The following RNF150 variants were observed in gnomAD, a reference collection of about 807,000 sequenced individuals.
RNF150 encodes the protein ring finger protein 150.
In RNF150, 24 loss-of-function variants were observed where a neutral mutation model predicts 39.3. The ratio of observed to expected loss-of-function variants is 0.61; its 90% confidence interval spans 0.44 to 0.86. The LOEUF is 0.86. RNF150 is among the 40% of genes least tolerant of loss of function. RNF150 has a pLI of 0.00. For synonymous variants in RNF150, 255 were observed against 227.3 expected (o/e 1.12, Z -1.10); for missense variants, 502 against 587.8 (o/e 0.85, Z 1.51).
intron 6 of RNF150, among the ~76,000 whole-genome samples, chr4:140,874,868 T>C (rs1400125714): frequency 2.6e-5 from 4 of 152,230 alleles, no homozygotes. Flanking sequence ...TCTCACTATG[T>C]TGACTGGGCT....
At chr4:140,896,717 C>A (rs1364152210) in intron 6 of RNF150, among the ~76,000 whole-genome samples, 3,498 of 57,730 alleles carry the variant, frequency 0.061, 198 homozygotes, top group African/African-American at 0.15. Context: ...AACAAACAAA[C>A]AAACAAAAAA....
chr4:141,170,074 C>G (rs147838869), intron 1 of RNF150, among the ~76,000 whole-genome samples: 2 of 151,984 alleles, frequency 1.3e-5, no homozygotes, highest in African/African-American at 4.8e-5. Flanking sequence ...GCTCACTGCT[C>G]GTATAATTAA....
intron 1 of RNF150, among the ~76,000 whole-genome samples, chr4:141,021,944 C>G (rs1033557875): frequency 4.6e-5 from 7 of 152,236 alleles, no homozygotes; most frequent in Non-Finnish European, 1.0e-4. Context: ...CTAATCCACA[C>G]AGCTTGCTTG....
chr4:140,887,562 T>C (rs965930972), intron 6 of RNF150, among the ~76,000 whole-genome samples: 2 of 152,196 alleles, frequency 1.3e-5, no homozygotes, highest in African/African-American at 2.4e-5. Context: ...TTGTTGGATG[T>C]AGGTCGACGC....
rs193151456 is a variant in RNF150, at chr4:140,862,976, C to T, written c.*5285G>A. 1 of 152,186 alleles carries T rather than the reference C, an allele frequency of 6.6e-6. No individual in the cohort carries two copies. Among genetic ancestry groups the T allele is most frequent in the Non-Finnish European group, 1.5e-5 (1 of 68,026 alleles). 9.4% of individuals were successfully genotyped at this position (152,186 alleles called of 1,614,324 possible). On this transcript the variant is annotated 3_prime_UTR_variant, in exon 7 of 7. Transcript: ENST00000515673. ...AACTGCCAACATCAAACGTATTCAT[C>T]CATGCAATGGCATGGATGAAGGACC... is the stretch of plus-strand genomic sequence containing the variant.
intron 1 of RNF150, among the ~76,000 whole-genome samples, chr4:141,189,896 G>C (rs1420925943): frequency 6.6e-6 from 1 of 152,208 alleles, no homozygotes; most frequent in Admixed American, 6.5e-5. Flanking sequence ...CCCCGTTTCA[G>C]GGGAGTGAAT....
chr4:141,135,569 T>C (rs1451430692), upstream of RNF150, among the ~76,000 whole-genome samples: 1 of 152,180 alleles, frequency 6.6e-6, no homozygotes, highest in Non-Finnish European at 1.5e-5. Context: ...CGTGCTAATG[T>C]TAATACAGAA....
At chr4:141,175,888 ATCTT>A (rs1273390537) in intron 1 of RNF150, among the ~76,000 whole-genome samples, 1 of 151,798 alleles carries the variant, frequency 6.6e-6, no homozygotes, top group Non-Finnish European at 1.5e-5. Flanking sequence ...TTGTAACTCT[ATCTT>A]TATTTTTTTT....
Position 140,969,756 on chromosome 4 carries a change from CTTTTTTT to C in RNF150, c.485-1890_485-1884del, listed in dbSNP as rs70946718. 8.7e-4 allele frequency among the ~76,000 whole-genome samples: 66 copies of C among 75,962 alleles called. 1 individual carries two copies. The highest frequency in any genetic ancestry group is 3.2e-3 in the African/African-American group (63 of 19,870). 49.8% of individuals were successfully genotyped at this position (75,962 alleles called of 152,430 possible). ...GATGTTCAGAAATGCACAAGTTTTA[CTTTTTTT>C]TTTTTTTTTTTTTTTTGAGACAGAG... On this transcript the variant is annotated intron_variant, in intron 1 of 6. Transcript: ENST00000515673.
chr4:140,910,874 G>A (rs184419706), intron 6 of RNF150, among the ~76,000 whole-genome samples: 25 of 152,264 alleles, frequency 1.6e-4, no homozygotes, highest in East Asian at 1.9e-4. Flanking sequence ...ACAGGGAAGC[G>A]GACATGGAGA....
chr4:141,119,211 A>G (rs908012528), intron 1 of RNF150, among the ~76,000 whole-genome samples: 1 of 152,200 alleles, frequency 6.6e-6, no homozygotes, highest in Non-Finnish European at 1.5e-5. Flanking sequence ...TCACAACCTG[A>G]CCTACTTTAC....
At chr4:140,933,452 T>C (rs1286694816) in intron 4 of RNF150, among the ~76,000 whole-genome samples, 1 of 152,196 alleles carries the variant, frequency 6.6e-6, no homozygotes, top group Non-Finnish European at 1.5e-5. Flanking sequence ...ACTGCAGCAT[T>C]CTGGATTTTG....
chr4:140,956,532 C>T (rs1428221528), intron 2 of RNF150, among the ~76,000 whole-genome samples: 1 of 152,114 alleles, frequency 6.6e-6, no homozygotes, highest in Non-Finnish European at 1.5e-5. Flanking sequence ...TGGGAAGCCC[C>T]TTAAGGTGAG....
intron 1 of RNF150, among the ~76,000 whole-genome samples, chr4:141,092,708 T>C (rs1738632736): frequency 1.3e-5 from 2 of 152,024 alleles, no homozygotes; most frequent in South Asian, 2.1e-4. Flanking sequence ...TCCCATCTTC[T>C]TTCCATCATG....
At chr4:141,021,236 G>A (rs1254626947) in intron 1 of RNF150, among the ~76,000 whole-genome samples, 2 of 152,110 alleles carry the variant, frequency 1.3e-5, no homozygotes, top group Non-Finnish European at 2.9e-5. Flanking sequence ...CTAAGCCAAC[G>A]TAACAGGATT....
In RNF150 at chr4:141,177,702, T is replaced by C. The variant is rs559131385; in HGVS notation, c.-6+35092A>G. The stretch of plus-strand genomic sequence containing the variant: ...TCTTGTTCTCTTTTCTCCGACATTA[T>C]AGAAGAAAATTGATGGAACCGAATA... On this transcript the variant is annotated intron_variant, in intron 1 of 7. Transcript: ENST00000420921. 5.3e-5 allele frequency among the ~76,000 whole-genome samples: 8 copies of C among 152,300 alleles called. No homozygotes were observed. The South Asian group carries it at 1.2e-3, about 24-fold the overall frequency.
intron 6 of RNF150, among the ~76,000 whole-genome samples, chr4:140,908,743 T>C (rs1417364537): frequency 6.6e-6 from 1 of 152,172 alleles, no homozygotes; most frequent in African/African-American, 2.4e-5. Flanking sequence ...TTTGATGTAT[T>C]TTAACCCACA....
At chr4:140,941,669 GA>G (rs988616905) in intron 4 of RNF150, among the ~76,000 whole-genome samples, 20 of 152,156 alleles carry the variant, frequency 1.3e-4, no homozygotes, top group African/African-American at 4.8e-4. Flanking sequence ...TAGAAGCAGG[GA>G]GACTAGTGAA....
At chr4:141,189,979 C>T (rs1292258095) in intron 1 of RNF150, among the ~76,000 whole-genome samples, 2 of 152,114 alleles carry the variant, frequency 1.3e-5, no homozygotes, top group Non-Finnish European at 2.9e-5. Flanking sequence ...TTGGTGTCTG[C>T]CCAAACAGCT....
Sources: gnomAD v4.1 joint callset for allele counts (sites outside exome capture counted in the v4.1 genomes callset) on GRCh38, gnomAD v4.1.1 for gene constraint, MANE v1.5 for transcripts, NCBI Gene and HGNC (gene_info 2026-07-23, HGNC 2026-07-21) for gene names.